The following ACSF3 variants were observed in gnomAD, a reference collection of about 807,000 sequenced individuals.
The protein encoded by ACSF3 is malonate--CoA ligase ACSF3, mitochondrial.
Under a neutral mutation model 53.2 loss-of-function variants are expected in ACSF3, and 78 were observed. That is an observed-to-expected ratio of 1.47 (90% confidence interval 1.22 to 1.77). The LOEUF (loss-of-function observed/expected upper bound fraction) is 1.77, where lower values mean the gene tolerates loss of function less well. Ranked by LOEUF, ACSF3 falls within the 40% of genes most tolerant of loss-of-function variation. The probability of loss-of-function intolerance (pLI) is 0.00; values close to 1 mark genes in which losing one functional copy is unlikely to be tolerated. For synonymous variants in ACSF3, 414 were observed against 333.1 expected, an observed-to-expected ratio of 1.24 and a Z score of -2.65; for missense variants, 937 against 771.1, an observed-to-expected ratio of 1.22 and a Z score of -2.55.
At chr16:89,118,589 C>G (rs1411966140) in intron 6 of ACSF3, among the ~76,000 whole-genome samples, 1 of 152,248 alleles carries the variant, frequency 6.6e-6, no homozygotes, top group East Asian at 1.9e-4. Flanking sequence ...GGAGGGTGAG[C>G]TCTGTCGTGT....
chr16:89,111,577 G>A (rs937915860), intron 4 of ACSF3, among the ~76,000 whole-genome samples: 2 of 152,370 alleles, frequency 1.3e-5, no homozygotes, highest in Admixed American at 6.5e-5. Context: ...CTTTATGGGC[G>A]ACGCGAGAAC....
chr16:89,128,003 C>T (rs1290277332), intron 7 of ACSF3, among the ~76,000 whole-genome samples: 2 of 151,934 alleles, frequency 1.3e-5, no homozygotes, highest in Admixed American at 1.3e-4. Flanking sequence ...TGTTTTATGG[C>T]TCTTTTTTCA....
At chr16:89,105,789 A>G (rs1185452320) in intron 4 of ACSF3, among the ~76,000 whole-genome samples, 1 of 152,238 alleles carries the variant, frequency 6.6e-6, no homozygotes, top group East Asian at 1.9e-4. Context: ...CAGAGGCAGA[A>G]CATCTCCCAG....
At chr16:89,145,216 G>T in intron 8 of ACSF3, 51 bp from the exon 9 acceptor site, 1 of 1,613,916 alleles carries the variant, frequency 6.2e-7, no homozygotes. Context: ...TTCCTCAGGG[G>T]ACACCGTGGT....
rs10163379 is a variant in ACSF3 at position 89,094,016 on chromosome 16, C to G, written c.-194+20C>G. The G allele has an allele frequency of 0.013, 2,091 of 160,124 alleles. 46 individuals carry two copies. Among genetic ancestry groups the G allele is most frequent in the South Asian group, 0.053 (350 of 6,626 alleles). The allele number at this position is 160,124 out of a possible 1,614,324, so 9.9% of individuals were successfully genotyped here. On this transcript the variant is annotated intron_variant, in intron 1 of 10. Transcript: ENST00000614302. The stretch of plus-strand genomic sequence containing the variant: ...TCGTAGGTGCGGGCGGCGGGGCCCA[C>G]GGGACCGCGGCGGGGTCGGCCGGGC...
At chr16:89,113,919 C>G (rs756181232) in intron 5 of ACSF3, 1 of 334,874 alleles carries the variant, frequency 3.0e-6, no homozygotes, top group Non-Finnish European at 5.9e-6. Context: ...CTGTAGTCCC[C>G]GGATGTGCCT....
Position 89,154,234 on chromosome 16 carries a change from GT to G in ACSF3, c.*28del. On this transcript the variant is annotated 3_prime_UTR_variant, in exon 11 of 11. Coordinates refer to ENST00000614302, the MANE Select transcript of ACSF3 (RefSeq NM_001243279.3). The stretch of plus-strand genomic sequence containing the variant: ...CCGGCAGACTGGGACTGCGGGTCTG[GT>G]GGGGAGCAGCAGACGTCCCCTTCAC... 1.2e-6 allele frequency: 2 copies of G among 1,602,984 alleles called. No individual in the cohort carries two copies. The highest frequency in any genetic ancestry group is 1.7e-6 in the Non-Finnish European group (2 of 1,172,182).
chr16:89,113,841 C>T (rs1904514157), intron 5 of ACSF3: 1 of 276,060 alleles, frequency 3.6e-6, no homozygotes, highest in African/African-American at 2.2e-5. Context: ...TGCCCGGCCC[C>T]ACCCCTTGGG....
chr16:89,125,188 C>G (rs1301031324), intron 7 of ACSF3, among the ~76,000 whole-genome samples: 5 of 151,950 alleles, frequency 3.3e-5, no homozygotes, highest in African/African-American at 1.2e-4. Flanking sequence ...ACTAAAAATA[C>G]AAAAATTAGC....
chr16:89,144,206 A>G (rs779037157), intron 8 of ACSF3, among the ~76,000 whole-genome samples: 10 of 152,240 alleles, frequency 6.6e-5, no homozygotes, highest in Non-Finnish European at 1.3e-4. Context: ...CCCCACCCTC[A>G]GTGGCTGGTG....
At position 89,093,932 on chromosome 16, in the gene ACSF3, CG is replaced by C; in HGVS notation, c.-256del. 6.1e-6 allele frequency: 2 copies of C among 326,606 alleles called. No individual in the cohort carries two copies. Among genetic ancestry groups the C allele is most frequent in the Non-Finnish European group, 1.3e-5 (2 of 156,466 alleles). The allele number at this position is 326,606 out of a possible 1,614,324, so 20.2% of individuals were successfully genotyped here. A position where few individuals can be genotyped will look rare whatever the true frequency, so the allele number is the denominator to read the frequency against. ...ACCCGGCCCGACCCCGGCGCGCGCG[CG>C]GCGGAGGACGAGGAAGAGTTGTGGC... On this transcript the variant is annotated 5_prime_UTR_variant, in exon 1 of 11. Coordinates refer to ENST00000614302, the MANE Select transcript of ACSF3 (RefSeq NM_001243279.3).
chr16:89,133,694 T>C (rs1390925985), intron 8 of ACSF3, among the ~76,000 whole-genome samples: 1 of 152,304 alleles, frequency 6.6e-6, no homozygotes, highest in East Asian at 1.9e-4. Context: ...TTAGCCACAC[T>C]TGTGCCCTCC....
intron 1 of ACSF3, among the ~76,000 whole-genome samples, chr16:89,097,159 C>T (rs1170195235): frequency 6.6e-6 from 1 of 152,184 alleles, no homozygotes. Flanking sequence ...GTGTGCTCAG[C>T]GTGTGGTTAG....
chr16:89,114,231 T>C, intron 5 of ACSF3, 108 bp from the exon 6 acceptor site: 1 of 1,506,190 alleles, frequency 6.6e-7, no homozygotes, highest in Non-Finnish European at 9.1e-7. Flanking sequence ...GTGAAGGAGC[T>C]GCCACTTTTG....
chr16:89,109,036 C>T (rs544562861), intron 4 of ACSF3, among the ~76,000 whole-genome samples: 1 of 152,056 alleles, frequency 6.6e-6, no homozygotes, highest in African/African-American at 2.4e-5. Context: ...AGTTTGAGAC[C>T]AGCCTGACCA....
chr16:89,111,078 A>G (rs991584196), intron 4 of ACSF3, among the ~76,000 whole-genome samples: 1 of 152,010 alleles, frequency 6.6e-6, no homozygotes, highest in African/African-American at 2.4e-5. Flanking sequence ...CATCTTCCCC[A>G]CGTTGTTCAT....
chr16:89,129,989 A>C (rs549013866), intron 7 of ACSF3, among the ~76,000 whole-genome samples: 10 of 152,376 alleles, frequency 6.6e-5, no homozygotes, highest in Admixed American at 2.6e-4. Flanking sequence ...TGCTTTCAAC[A>C]GTCAAAAATA....
chr16:89,154,399 CAAG>C lies in ACSF3; in HGVS notation c.*193_*195del, dbSNP rs1336987721. ...CAGCCTCGGGCCAGTTGTTGCAGCT[CAAG>C]GAGACCGTCCCTGGTGTCACCTCTG... On this transcript the variant is annotated 3_prime_UTR_variant, in exon 11 of 11. Transcript: ENST00000614302. The C allele has an allele frequency of 5.8e-6, 4 of 689,108 alleles. No individual in the cohort carries two copies. The highest frequency in any genetic ancestry group is 3.0e-5 in the South Asian group (2 of 66,680). 42.7% of individuals were successfully genotyped at this position (689,108 alleles called of 1,614,324 possible).
intron 7 of ACSF3, among the ~76,000 whole-genome samples, chr16:89,129,046 C>T (rs868302052): frequency 2.2e-4 from 33 of 152,228 alleles, no homozygotes; most frequent in South Asian, 8.3e-4. Context: ...GCGGGAAGAT[C>T]GCCTGAATCT....
Sources: allele counts gnomAD v4.1 joint callset (sites outside exome capture counted in the v4.1 genomes callset), GRCh38; gene constraint gnomAD v4.1.1; transcripts MANE v1.5; gene names NCBI Gene and HGNC (gene_info 2026-07-23, HGNC 2026-07-21).